The following SLC5A1 variants were observed in gnomAD, a reference collection of about 807,000 sequenced individuals.
The protein encoded by SLC5A1 is sodium/glucose cotransporter 1.
Under a neutral mutation model 73.5 loss-of-function variants are expected in SLC5A1, and 42 were observed. That is an observed-to-expected ratio of 0.57 (90% CI 0.45 to 0.74). The LOEUF (loss-of-function observed/expected upper bound fraction) is 0.74. SLC5A1 is among the 30% of genes least tolerant of loss of function. The pLI is 0.00. For synonymous variants in SLC5A1, 300 were observed against 317.4 expected (o/e 0.95, Z 0.58); for missense variants, 634 against 855.4 (o/e 0.74, Z 3.23).
At chr22:32,074,220 G>A (rs1286796286) in intron 5 of SLC5A1, among the ~76,000 whole-genome samples, 1 of 152,166 alleles carries the variant, frequency 6.6e-6, no homozygotes, top group Admixed American at 6.5e-5. Context: ...AGCTGGTGCA[G>A]GGGTGGCAGG....
chr22:32,084,635 CTTGTGGTACTGG>C lies in SLC5A1; in HGVS notation c.863_874del (p.Leu288_Trp291del). On this transcript the variant is annotated inframe_deletion, in exon 8 of 15. Coordinates refer to ENST00000266088, the MANE Select transcript of SLC5A1 (RefSeq NM_000343.4). Reference sequence around the variant, plus strand: ...TCATCTTTGGGATGTCCATCCTTACCTTGTGGTACTGGTGCACAGATCAGGTACCCAAGCTGG... The same window carrying C: ...TCATCTTTGGGATGTCCATCCTTACCTGCACAGATCAGGTACCCAAGCTGG... 1 of 1,614,092 alleles carries C rather than the reference CTTGTGGTACTGG, an allele frequency of 6.2e-7. No homozygotes were observed. The highest frequency in any genetic ancestry group is 8.5e-7 in the Non-Finnish European group (1 of 1,179,964).
In SLC5A1 at chr22:32,102,209, T is replaced by A; in HGVS notation, c.1637T>A (p.Leu546His). 6.2e-7 allele frequency: 1 copy of A among 1,614,088 alleles called. No homozygotes were observed. Among genetic ancestry groups the A allele is most frequent in the Non-Finnish European group, 8.5e-7 (1 of 1,179,938 alleles). Reference protein sequence around the residue: ...ISFITIVVISLLTKPIPDVHL... With the variant: ...ISFITIVVISHLTKPIPDVHL... ...TTCATCACCATCGTGGTCATCTCCC[T>A]CCTCACCAAACCCATTCCGGATGTG... Residue 546 changes from leucine to histidine, a missense_variant, in exon 13 of 15, where the codon CTC (leucine) becomes CAC (histidine). This residue lies in a region of SLC5A1 where 161 missense variants were observed against 178.7 expected (regional missense o/e 0.90). Coordinates refer to ENST00000266088, the MANE Select transcript of SLC5A1 (RefSeq NM_000343.4).
intron 5 of SLC5A1, among the ~76,000 whole-genome samples, chr22:32,069,029 T>G (rs541410236): frequency 3.2e-4 from 48 of 152,164 alleles, no homozygotes; most frequent in African/African-American, 1.1e-3. Context: ...CATTAACGGA[T>G]GAATGGATGA....
chr22:32,046,602 G>A (rs2093937502), intron 1 of SLC5A1, among the ~76,000 whole-genome samples: 1 of 152,168 alleles, frequency 6.6e-6, no homozygotes, highest in Non-Finnish European at 1.5e-5. Context: ...GCCACACCAA[G>A]CATCATGTCT....
intron 5 of SLC5A1, among the ~76,000 whole-genome samples, chr22:32,072,741 AG>A (rs1337816370): frequency 6.6e-6 from 1 of 152,238 alleles, no homozygotes; most frequent in East Asian, 1.9e-4. Context: ...ATCTGAACAA[AG>A]TCTAGATCAC....
At chr22:32,079,164 G>C (rs2093995762) in intron 5 of SLC5A1, among the ~76,000 whole-genome samples, 1 of 152,090 alleles carries the variant, frequency 6.6e-6, no homozygotes, top group Admixed American at 6.5e-5. Context: ...AACCCTAGTG[G>C]GTTTGTTTGG....
intron 6 of SLC5A1, 77 bp downstream of exon 6, chr22:32,082,048 A>G: frequency 1.1e-6 from 1 of 947,712 alleles, no homozygotes; most frequent in Non-Finnish European, 1.7e-6. Context: ...GGGAAGTAGG[A>G]GAGGTGGTTT....
chr22:32,094,120 C>A (rs1258054853), intron 11 of SLC5A1, among the ~76,000 whole-genome samples: 1 of 152,006 alleles, frequency 6.6e-6, no homozygotes, highest in African/African-American at 2.4e-5. Flanking sequence ...GTTTTTAATT[C>A]TGTTTATGTG....
intron 13 of SLC5A1, among the ~76,000 whole-genome samples, chr22:32,104,403 A>G (rs144783851): frequency 1.3e-5 from 2 of 152,328 alleles, no homozygotes; most frequent in African/African-American, 4.8e-5. Flanking sequence ...AATGTGACAT[A>G]GTGCAAAAAT....
chr22:32,084,787 C>T, intron 8 of SLC5A1, 113 bp from the exon 9 acceptor site: 1 of 1,539,804 alleles, frequency 6.5e-7, no homozygotes, highest in Non-Finnish European at 8.9e-7. Flanking sequence ...GTTGCCACGC[C>T]CCAGTGATAC....
At chr22:32,053,739 G>A (rs965682907) in intron 2 of SLC5A1, among the ~76,000 whole-genome samples, 1 of 152,226 alleles carries the variant, frequency 6.6e-6, no homozygotes, top group Admixed American at 6.5e-5. Context: ...GAAAGGTGGT[G>A]AAACTATCAG....
At position 32,066,919 on chromosome 22, in the gene SLC5A1, T is replaced by C. The variant is rs771140849; in HGVS notation, c.208-16T>C. 23 of 1,596,712 alleles carry C rather than the reference T, an allele frequency of 1.4e-5. No homozygotes were observed. Among genetic ancestry groups the C allele is most frequent in the Admixed American group, 1.0e-4 (6 of 59,952 alleles). ...AGAGCACAGAGCCCTCACCTGACTT[T>C]CTTTTGCGTTTCCAGATTGGAGCCT... is the stretch of plus-strand genomic sequence containing the variant. On this transcript the variant is annotated splice_polypyrimidine_tract_variant and intron_variant, in intron 2 of 14. Coordinates refer to ENST00000266088, the MANE Select transcript of SLC5A1 (RefSeq NM_000343.4).
intron 5 of SLC5A1, among the ~76,000 whole-genome samples, chr22:32,077,123 T>A (rs950309344): frequency 6.6e-6 from 1 of 152,216 alleles, no homozygotes; most frequent in African/African-American, 2.4e-5. Flanking sequence ...TAGAGGACCA[T>A]AATTTTTTAT....
At position 32,043,696 on chromosome 22, in the gene SLC5A1, C is replaced by T. The variant is rs138824425; in HGVS notation, c.135+280C>T. ...GGAAGGTGGGGGTTTGAAGAGACCG[C>T]TGGAAAGTGTAAGGGGCAGGAAAGC... On this transcript the variant is annotated intron_variant, in intron 1 of 14. Coordinates refer to ENST00000266088, the MANE Select transcript of SLC5A1 (RefSeq NM_000343.4). This position sits in a 1 kb window ranked among gnomAD's most constrained non-coding sequence, Gnocchi z 6.5. Among the ~76,000 whole-genome samples, 8 of 152,230 alleles carry T rather than the reference C, an allele frequency of 5.3e-5. No homozygotes were observed. The highest frequency in any genetic ancestry group is 1.3e-4 in the Admixed American group (2 of 15,298).
Position 32,102,078 on chromosome 22 carries a change from T to C in SLC5A1, c.1506T>C (p.Thr502=). Residue 502 remains threonine (T), a synonymous_variant, in exon 13 of 15, where the codon ACT becomes ACC. Transcript: ENST00000266088. ...GLLIGISRMI[T]EFAYGTGSCM... ...TGATTGGGATTTCACGTATGATTAC[T>C]GAGTTTGCTTATGGAACCGGGAGCT... is the stretch of plus-strand genomic sequence containing the variant. 6.2e-7 allele frequency: 1 copy of C among 1,614,150 alleles called. No individual in the cohort carries two copies. Among genetic ancestry groups the C allele is most frequent in the Admixed American group, 1.7e-5 (1 of 60,014 alleles).
chr22:32,086,298 C>A lies in SLC5A1; in HGVS notation c.1100C>A (p.Pro367Gln). 5.0e-6 allele frequency: 8 copies of A among 1,613,284 alleles called. No individual in the cohort carries two copies. The highest frequency in any genetic ancestry group is 6.8e-6 in the Non-Finnish European group (8 of 1,179,246). Reference sequence around the variant, plus strand: ...GTTGGCTGTACCAACATCGCCTATCCAACCTTAGTGGTGGAGCTCATGCCC... The same window carrying A: ...GTTGGCTGTACCAACATCGCCTATCAAACCTTAGTGGTGGAGCTCATGCCC... Reference protein sequence around the residue: ...TKVGCTNIAYPTLVVELMPNG... With the variant: ...TKVGCTNIAYQTLVVELMPNG... Residue 367 changes from proline (P) to glutamine (Q), a missense_variant, in exon 10 of 15, where the codon CCA becomes CAA. This residue lies in a region of SLC5A1 where 422 missense variants were observed against 626.1 expected (regional missense o/e 0.67). Transcript: ENST00000266088.
At chr22:32,082,011 CG>C (rs745559662) in intron 6 of SLC5A1, 40 bp downstream of exon 6, 1 of 1,254,266 alleles carries the variant, frequency 8.0e-7, no homozygotes, top group Non-Finnish European at 1.2e-6. Flanking sequence ...AAACCCAGCT[CG>C]GGATCAGGCA....
chr22:32,105,168 CG>C (rs2094043352), intron 14 of SLC5A1, among the ~76,000 whole-genome samples: 1 of 152,062 alleles, frequency 6.6e-6, no homozygotes, highest in Non-Finnish European at 1.5e-5. Context: ...TTATGAGGTA[CG>C]TGAGATGTTC....
chr22:32,091,789 A>G, intron 11 of SLC5A1, 27 bp downstream of exon 11: 1 of 1,612,790 alleles, frequency 6.2e-7, no homozygotes, highest in Non-Finnish European at 8.5e-7. Flanking sequence ...CCAAGCCACA[A>G]AAGCTTGAAT....
Sources: gnomAD v4.1 joint callset for allele counts (sites outside exome capture counted in the v4.1 genomes callset) on GRCh38, gnomAD v4.1.1 for gene constraint, gnomAD v4.1.1 regional missense constraint, Gnocchi (gnomAD v3.1) non-coding constraint, MANE v1.5 for transcripts, NCBI Gene and HGNC (gene_info 2026-07-23, HGNC 2026-07-21) for gene names.